Variants in GFPT1 observed in about 807,000 individuals in gnomAD.
GFPT1 encodes the protein glutamine--fructose-6-phosphate aminotransferase [isomerizing] 1.
GFPT1 carries 40 observed loss-of-function variants against 92.0 expected under a neutral mutation model. That is an observed-to-expected ratio of 0.43 (90% CI 0.34 to 0.57). The LOEUF is 0.57. Among genes scored for constraint, GFPT1 ranks in the 20% least tolerant of loss-of-function variants. GFPT1 has a pLI of 0.02. For missense variants in GFPT1, 448 were observed against 869.1 expected (o/e 0.52, Z 6.09); for synonymous variants, 269 against 280.6 (o/e 0.96, Z 0.41).
In GFPT1 at chr2:69,319,941, CAGAA is replaced by C. The variant is rs1174819349; in HGVS notation, c.*6244_*6247del. On this transcript the variant is annotated 3_prime_UTR_variant, in exon 20 of 20. Transcript: ENST00000357308. The stretch of plus-strand genomic sequence containing the variant: ...AGTGGCTAGACACATTCAAGTCTAG[CAGAA>C]AGAAACTTGAAATTTAATGCAACGT... The C allele has an allele frequency of 1.3e-5, 2 of 152,162 alleles. No homozygotes were observed. The highest frequency in any genetic ancestry group is 4.8e-5 in the African/African-American group (2 of 41,432). 9.4% of individuals were successfully genotyped at this position (152,162 alleles called of 1,614,324 possible). A position where few individuals can be genotyped will look rare whatever the true frequency, so the allele number is the denominator to read the frequency against.
intron 2 of GFPT1, among the ~76,000 whole-genome samples, chr2:69,371,076 C>CTTTTTTTTTT (rs1156764424): frequency 3.1e-5 from 4 of 127,764 alleles, no homozygotes; most frequent in Admixed American, 1.6e-4. Context: ...CTTTTCTTTT[C>CTTTTTTTTTT]TTTTTTTTTT....
chr2:69,330,477 T>C (rs1361308314), intron 15 of GFPT1, among the ~76,000 whole-genome samples: 3 of 151,762 alleles, frequency 2.0e-5, no homozygotes, highest in Non-Finnish European at 2.9e-5. Context: ...CTTGGGGTAC[T>C]TGCACTGGTA....
intron 1 of GFPT1, among the ~76,000 whole-genome samples, chr2:69,380,730 G>GA (rs2104700586): frequency 6.6e-6 from 1 of 152,212 alleles, no homozygotes; most frequent in East Asian, 1.9e-4. Flanking sequence ...ACTGTGCTCT[G>GA]ACTCCTAGTC....
intron 3 of GFPT1, among the ~76,000 whole-genome samples, chr2:69,366,112 C>A (rs1190336883): frequency 6.6e-6 from 1 of 150,648 alleles, no homozygotes; most frequent in Non-Finnish European, 1.5e-5. Flanking sequence ...CCACGCCTGG[C>A]CTCTTTGACA....
At chr2:69,332,538 G>C (rs1367346345) in intron 15 of GFPT1, among the ~76,000 whole-genome samples, 1 of 151,862 alleles carries the variant, frequency 6.6e-6, no homozygotes, top group Non-Finnish European at 1.5e-5. Context: ...GGCTGGTCTT[G>C]AACTCCTGTC....
At chr2:69,365,337 T>C (rs749825279) in intron 3 of GFPT1, among the ~76,000 whole-genome samples, 32 of 152,010 alleles carry the variant, frequency 2.1e-4, no homozygotes, top group Admixed American at 2.0e-4. Flanking sequence ...CTGGGCGTGG[T>C]AGCACACGCC....
At chr2:69,333,759 G>A (rs1197313927) in intron 15 of GFPT1, among the ~76,000 whole-genome samples, 1 of 152,166 alleles carries the variant, frequency 6.6e-6, no homozygotes, top group Non-Finnish European at 1.5e-5. Flanking sequence ...AACTCAGTAA[G>A]ATCCCTCTAA....
intron 11 of GFPT1, among the ~76,000 whole-genome samples, chr2:69,347,304 G>T (rs1671107307): frequency 6.6e-6 from 1 of 151,680 alleles, no homozygotes. Context: ...TCCTACCTTG[G>T]CCTCCCTAAG....
In GFPT1 at chr2:69,338,275, G is replaced by T. The variant is rs539093383; in HGVS notation, c.1324+170C>A. 2.7e-4 allele frequency among the ~76,000 whole-genome samples: 41 copies of T among 152,222 alleles called. No homozygotes were observed. In the South Asian group the frequency reaches 6.9e-3, roughly 25 times the overall value. On this transcript the variant is annotated intron_variant, in intron 14 of 19. Transcript: ENST00000357308. ...AAATCCAGCTCTTTGAACACAAAAG[G>T]TGTTCATTTTTACTAATTCATAAAG...
chr2:69,346,007 A>G lies in GFPT1; in HGVS notation c.1010-8T>C. The G allele has an allele frequency of 6.9e-7, 1 of 1,442,934 alleles. No homozygotes were observed. The highest frequency in any genetic ancestry group is 9.8e-7 in the Non-Finnish European group (1 of 1,023,966). 89.4% of individuals were successfully genotyped at this position (1,442,934 alleles called of 1,614,324 possible). A position where few individuals can be genotyped will look rare whatever the true frequency, so the allele number is the denominator to read the frequency against. ...TAAATGAACTGAAGTTGCCTATAGT[A>G]ATAGAAATCACATAATTAAAACAAA... is the stretch of plus-strand genomic sequence containing the variant. On this transcript the variant is annotated splice_polypyrimidine_tract_variant and splice_region_variant and intron_variant, in intron 11 of 19. Transcript: ENST00000357308.
chr2:69,345,823 G>T, intron 12 of GFPT1, 81 bp downstream of exon 12: 1 of 825,098 alleles, frequency 1.2e-6, no homozygotes. Flanking sequence ...AGGCTATTAA[G>T]GGCAATGAAC....
intron 1 of GFPT1, among the ~76,000 whole-genome samples, chr2:69,378,727 T>C (rs547194608): frequency 1.1e-4 from 16 of 152,356 alleles, no homozygotes; most frequent in Non-Finnish European, 2.1e-4. Context: ...CTATGTCTGG[T>C]TGCATTTATG....
At chr2:69,330,215 A>C (rs1461253586) in intron 15 of GFPT1, among the ~76,000 whole-genome samples, 1 of 152,190 alleles carries the variant, frequency 6.6e-6, no homozygotes. Context: ...AAAAACAAAA[A>C]TAAACTATCT....
At chr2:69,380,172 C>T (rs1334568495) in intron 1 of GFPT1, among the ~76,000 whole-genome samples, 5 of 151,856 alleles carry the variant, frequency 3.3e-5, no homozygotes, top group Non-Finnish European at 4.4e-5. Context: ...ACCCCGTCTC[C>T]ATTAAAAATA....
Position 69,338,705 on chromosome 2 carries a change from A to C in GFPT1, c.1204-140T>G, listed in dbSNP as rs535612812. 3.4e-4 allele frequency: 235 copies of C among 686,940 alleles called. 1 individual carries two copies. In the African/African-American group the frequency reaches 8.3e-3, roughly 24 times the overall value. The allele number at this position is 686,940 out of a possible 1,614,324, so 42.6% of individuals were successfully genotyped here. On this transcript the variant is annotated intron_variant, in intron 13 of 19. Transcript: ENST00000357308. ...GAAAATAAAAACAACCCAGATTAAA[A>C]TATTTAAAAAAAAAAAATCAAAATC...
chr2:69,338,196 TA>T, intron 14 of GFPT1, 141 bp from the exon 15 acceptor site: 1 of 853,584 alleles, frequency 1.2e-6, no homozygotes, highest in East Asian at 2.6e-5. Context: ...AATAAATTTA[TA>T]AAACTTTAAG....
intron 14 of GFPT1, 142 bp downstream of exon 14, chr2:69,338,303 T>C (rs1364877239): frequency 2.5e-6 from 2 of 797,314 alleles, no homozygotes; most frequent in African/African-American, 3.4e-5. Flanking sequence ...TCATAAAGAA[T>C]TATGTAACAT....
intron 1 of GFPT1, 22 bp from the exon 2 acceptor site, chr2:69,374,135 A>G (rs1420308720): frequency 1.7e-6 from 2 of 1,160,200 alleles, no homozygotes; most frequent in South Asian, 2.5e-5. Context: ...CAAATATTTA[A>G]TGAAAAATTC....
chr2:69,372,609 G>C (rs1671778587), intron 2 of GFPT1, among the ~76,000 whole-genome samples: 1 of 152,054 alleles, frequency 6.6e-6, no homozygotes. Context: ...TAATATTTGA[G>C]CTGTAAGTAG....
Sources: gnomAD v4.1 joint callset for allele counts (sites outside exome capture counted in the v4.1 genomes callset) on GRCh38, gnomAD v4.1.1 for gene constraint, MANE v1.5 for transcripts, NCBI Gene and HGNC (gene_info 2026-07-23, HGNC 2026-07-21) for gene names.